IGF1R: variants seen among roughly 807,000 people sequenced by gnomAD.
The protein encoded by IGF1R is insulin-like growth factor 1 receptor.
A neutral mutation model predicts 144.6 loss-of-function variants in IGF1R; 44 were observed. The ratio of observed to expected loss-of-function variants is 0.30; its 90% CI spans 0.24 to 0.39. The LOEUF is 0.39. Ranked by LOEUF, IGF1R falls within the 10% of genes least tolerant of loss-of-function variation. The pLI, the probability that IGF1R is intolerant of heterozygous loss-of-function variation, is 1.00. For synonymous variants in IGF1R, 795 were observed against 722.8 expected (o/e 1.10, Z -1.60); for missense variants, 1,355 against 1,833.7 (o/e 0.74, Z 4.77).
At chr15:98,658,213 T>C (rs544711939) in intron 1 of IGF1R, among the ~76,000 whole-genome samples, 1 of 152,354 alleles carries the variant, frequency 6.6e-6, no homozygotes, top group African/African-American at 2.4e-5. Context: ...TTCTGCTGTT[T>C]CCATAGCTGA....
At chr15:98,927,933 G>A (rs559792988) in intron 13 of IGF1R, among the ~76,000 whole-genome samples, 1 of 152,234 alleles carries the variant, frequency 6.6e-6, no homozygotes, top group South Asian at 2.1e-4. Flanking sequence ...GATTCCTTGT[G>A]CCAAAACCAA....
At chr15:98,928,965 C>G (rs1171900516) in intron 13 of IGF1R, among the ~76,000 whole-genome samples, 1 of 152,020 alleles carries the variant, frequency 6.6e-6, no homozygotes, top group Non-Finnish European at 1.5e-5. Context: ...AAGATTGAGG[C>G]CAGCAGGACT....
At chr15:98,753,560 T>C (rs997304376) in intron 2 of IGF1R, among the ~76,000 whole-genome samples, 3 of 151,530 alleles carry the variant, frequency 2.0e-5, no homozygotes, top group African/African-American at 7.3e-5. Context: ...TGATATAAAT[T>C]CCTGCTCTTC....
chr15:98,927,379 A>G (rs768415311), intron 13 of IGF1R, among the ~76,000 whole-genome samples: 1 of 152,186 alleles, frequency 6.6e-6, no homozygotes, highest in South Asian at 2.1e-4. Context: ...ATACTATTAA[A>G]TTACTCCTCA....
At chr15:98,700,301 T>C (rs1202187978) in intron 1 of IGF1R, among the ~76,000 whole-genome samples, 1 of 152,138 alleles carries the variant, frequency 6.6e-6, no homozygotes, top group Non-Finnish European at 1.5e-5. Flanking sequence ...TCGTAGTTTC[T>C]TCGGGCTTCT....
At chr15:98,937,389 C>G (rs2016195146) in intron 17 of IGF1R, among the ~76,000 whole-genome samples, 1 of 152,168 alleles carries the variant, frequency 6.6e-6, no homozygotes, top group Admixed American at 6.5e-5. Context: ...GGCTGGCTGC[C>G]TGTGGTCCTC....
chr15:98,899,732 G>A (rs1420281320), intron 5 of IGF1R, 111 bp downstream of exon 5: 2 of 1,091,680 alleles, frequency 1.8e-6, no homozygotes, highest in African/African-American at 3.1e-5. Flanking sequence ...AGAGAAGAAA[G>A]GAGGAAGCCG....
chr15:98,690,737 C>G (rs1046193320), intron 1 of IGF1R, among the ~76,000 whole-genome samples: 6 of 152,196 alleles, frequency 3.9e-5, no homozygotes, highest in African/African-American at 7.2e-5. Context: ...CTGCTTCACT[C>G]CCCGGAAGGA....
At chr15:98,745,358 C>T (rs1038194811) in intron 2 of IGF1R, among the ~76,000 whole-genome samples, 3 of 152,216 alleles carry the variant, frequency 2.0e-5, no homozygotes, top group South Asian at 2.1e-4. Context: ...ACTAGTGGCC[C>T]CATGTGGTTG....
At chr15:98,702,507 C>T (rs1452665700) in intron 1 of IGF1R, among the ~76,000 whole-genome samples, 6 of 152,060 alleles carry the variant, frequency 3.9e-5, no homozygotes, top group African/African-American at 7.2e-5. Context: ...TGCACCACCA[C>T]GCCTGGCTAA....
intron 13 of IGF1R, among the ~76,000 whole-genome samples, chr15:98,924,916 C>T (rs1297000455): frequency 6.7e-6 from 1 of 149,616 alleles, no homozygotes; most frequent in Non-Finnish European, 1.5e-5. Context: ...GGAGAGGATC[C>T]GAGCCTCTCC....
At chr15:98,790,575 C>T (rs1342101962) in intron 2 of IGF1R, among the ~76,000 whole-genome samples, 2 of 152,116 alleles carry the variant, frequency 1.3e-5, no homozygotes, top group Non-Finnish European at 2.9e-5. Flanking sequence ...TGTTTTTATC[C>T]TCAGAGGGGC....
At chr15:98,897,795 G>A (rs1364107415) in intron 4 of IGF1R, among the ~76,000 whole-genome samples, 2 of 152,086 alleles carry the variant, frequency 1.3e-5, no homozygotes, top group Middle Eastern at 3.2e-3. Flanking sequence ...TTCTAGTAAT[G>A]GTGCCTTAAA....
chr15:98,895,260 A>T (rs1356800942), intron 3 of IGF1R, among the ~76,000 whole-genome samples: 1 of 125,354 alleles, frequency 8.0e-6, no homozygotes, highest in Non-Finnish European at 1.9e-5. Flanking sequence ...ACACACACAC[A>T]CACACACAGA....
chr15:98,843,034 T>G (rs2011202555), intron 2 of IGF1R, among the ~76,000 whole-genome samples: 1 of 152,224 alleles, frequency 6.6e-6, no homozygotes, highest in South Asian at 2.1e-4. Flanking sequence ...AATTTAATTT[T>G]GAAAGTTGCA....
chr15:98,767,710 T>A (rs960832083), intron 2 of IGF1R, among the ~76,000 whole-genome samples: 4 of 152,180 alleles, frequency 2.6e-5, no homozygotes, highest in African/African-American at 9.7e-5. Context: ...GTTAAAGGAA[T>A]AGAGCGCACG....
chr15:98,712,726 C>T (rs1368949931), intron 2 of IGF1R, among the ~76,000 whole-genome samples: 1 of 151,794 alleles, frequency 6.6e-6, no homozygotes, highest in Non-Finnish European at 1.5e-5. Flanking sequence ...TCTACTGCCT[C>T]AGCCTCCTGA....
chr15:98,896,280 A>T (rs1393623141), intron 3 of IGF1R, among the ~76,000 whole-genome samples: 1 of 152,162 alleles, frequency 6.6e-6, no homozygotes, highest in Non-Finnish European at 1.5e-5. Flanking sequence ...TGACTGCAGG[A>T]GCTAGACTAC....
chr15:98,837,029 ACTGATATCTTAGGG>A (rs1289562798), intron 2 of IGF1R, among the ~76,000 whole-genome samples: 3 of 152,128 alleles, frequency 2.0e-5, no homozygotes, highest in Non-Finnish European at 4.4e-5. Context: ...TCGCATTGTT[ACTGATATCTTAGGG>A]CTGATACTCA....
Sources: allele counts gnomAD v4.1 joint callset (sites outside exome capture counted in the v4.1 genomes callset), GRCh38; gene constraint gnomAD v4.1.1; transcripts MANE v1.5; gene names NCBI Gene and HGNC (gene_info 2026-07-23, HGNC 2026-07-21).